EYA3: variants seen among roughly 807,000 people sequenced by gnomAD.
The protein encoded by EYA3 is EYA transcriptional coactivator and phosphatase 3.
In EYA3, 39 loss-of-function variants were observed where a neutral mutation model predicts 80.0. The observed-to-expected ratio is 0.49, with a 90% CI of 0.38 to 0.64. EYA3 has a LOEUF of 0.64. Ranked by LOEUF, EYA3 falls within the 30% of genes least tolerant of loss-of-function variation. The pLI is 0.00. For synonymous variants in EYA3, 206 were observed against 232.8 expected (o/e 0.88, Z 1.05); for missense variants, 523 against 676.1 (o/e 0.77, Z 2.51).
intron 1 of EYA3, among the ~76,000 whole-genome samples, chr1:28,073,423 G>A (rs769807802): frequency 2.7e-4 from 40 of 149,666 alleles, no homozygotes; most frequent in African/African-American, 3.9e-4. Flanking sequence ...TCAGCCTCCC[G>A]AGCAGCTGGG....
At chr1:28,051,880 G>A (rs1194501819) in intron 2 of EYA3, among the ~76,000 whole-genome samples, 1 of 150,924 alleles carries the variant, frequency 6.6e-6, no homozygotes, top group Non-Finnish European at 1.5e-5. Flanking sequence ...ATCCCAGCTG[G>A]CTGCATTAAA....
At chr1:28,082,371 T>A (rs1393479607) in intron 1 of EYA3, among the ~76,000 whole-genome samples, 4 of 152,178 alleles carry the variant, frequency 2.6e-5, no homozygotes, top group Non-Finnish European at 5.9e-5. Flanking sequence ...TAAATTTTTT[T>A]ATTTGGGCTT....
intron 1 of EYA3, among the ~76,000 whole-genome samples, chr1:28,074,274 A>C (rs995274751): frequency 6.6e-5 from 10 of 152,192 alleles, no homozygotes; most frequent in African/African-American, 2.4e-4. Context: ...CTTAAACACT[A>C]GAGGTAGAAC....
chr1:27,998,596 T>G (rs1330587752), intron 12 of EYA3, among the ~76,000 whole-genome samples: 1 of 151,914 alleles, frequency 6.6e-6, no homozygotes, highest in Non-Finnish European at 1.5e-5. Context: ...TTGTGTTGGC[T>G]GGGTGCAGTG....
rs563490113 is a variant in EYA3 at position 27,988,186 on chromosome 1, T to A, written c.1540+349A>T. Among the ~76,000 whole-genome samples the A allele has an allele frequency of 6.6e-5, 10 of 152,322 alleles. No homozygotes were observed. The East Asian group carries it at 1.9e-3, about 29-fold the overall frequency. ...TGTCTGGCCACCATTTTTAGGTATATAGTTTAGAAGCTTGATTTTTAACCT... is the reference window on the plus strand; with the variant it reads ...TGTCTGGCCACCATTTTTAGGTATAAAGTTTAGAAGCTTGATTTTTAACCT... On this transcript the variant is annotated intron_variant, in intron 16 of 17. Transcript: ENST00000373871.
Position 28,013,358 on chromosome 1 carries a change from G to A in EYA3, c.586-64C>T. On this transcript the variant is annotated intron_variant, in intron 8 of 17. Coordinates refer to ENST00000373871, the MANE Select transcript of EYA3 (RefSeq NM_001990.4). This position sits in a 1 kb window ranked among gnomAD's most constrained non-coding sequence, Gnocchi z 4.0. Reference sequence around the variant, plus strand: ...GCATACATTAATCTCAACACAAGAGGCTTTCTTCTCCCTCTTTCTTATTCA... The same window carrying A: ...GCATACATTAATCTCAACACAAGAGACTTTCTTCTCCCTCTTTCTTATTCA... 2 of 1,271,904 alleles carry A rather than the reference G, an allele frequency of 1.6e-6. No individual in the cohort carries two copies. The highest frequency in any genetic ancestry group is 2.1e-6 in the Non-Finnish European group (2 of 949,094). The allele number at this position is 1,271,904 out of a possible 1,614,324, so 78.8% of individuals were successfully genotyped here.
At position 28,018,926 on chromosome 1, in the gene EYA3, G is replaced by A. The variant is rs144643308; in HGVS notation, c.500-1687C>T. Among the ~76,000 whole-genome samples the A allele has an allele frequency of 2.8e-3, 425 of 152,284 alleles. 3 individuals carry two copies. Among genetic ancestry groups the A allele is most frequent in the Non-Finnish European group, 4.8e-3 (328 of 68,024 alleles). On this transcript the variant is annotated intron_variant, in intron 7 of 17. Transcript: ENST00000373871. ...CACGCCTGTAACCCCAGCACTTTGG[G>A]AGCCTGAAGTGGGTGGATCACCTGA...
rs192494196 is a variant in EYA3, at chr1:27,975,190, A to G, written c.1642-644T>C. ...TTCTGGAGGCCATATTTTACTTTTT[A>G]TTTTATTTTGAGACAGGCTCTCATT... is the stretch of plus-strand genomic sequence containing the variant. On this transcript the variant is annotated intron_variant, in intron 17 of 17. Transcript: ENST00000373871. 4.2e-4 allele frequency among the ~76,000 whole-genome samples: 62 copies of G among 149,016 alleles called. No homozygotes were observed. In the East Asian group the frequency reaches 0.011, roughly 27 times the overall value.
At position 28,003,496 on chromosome 1, in the gene EYA3, C is replaced by A. The variant is rs551533158; in HGVS notation, c.993+840G>T. Among the ~76,000 whole-genome samples the A allele has an allele frequency of 3.0e-3, 455 of 152,038 alleles. 1 individual carries two copies. The highest frequency in any genetic ancestry group is 0.01 in the African/African-American group (432 of 41,492). On this transcript the variant is annotated intron_variant, in intron 11 of 17. Coordinates refer to ENST00000373871, the MANE Select transcript of EYA3 (RefSeq NM_001990.4). ...AAAAACAAACAAACAAACAAACAAA[C>A]AAAAAAACCCACACCTACTAACAAA...
At chr1:28,051,749 G>A (rs889407606) in intron 2 of EYA3, among the ~76,000 whole-genome samples, 1 of 151,894 alleles carries the variant, frequency 6.6e-6, no homozygotes, top group Non-Finnish European at 1.5e-5. Flanking sequence ...TACAATACAC[G>A]TTAAAAGAAA....
chr1:27,976,361 G>C (rs531943472), intron 17 of EYA3, among the ~76,000 whole-genome samples: 1 of 152,246 alleles, frequency 6.6e-6, no homozygotes, highest in East Asian at 1.9e-4. Context: ...TTGGGAGGCT[G>C]AGGTACGAGA....
At chr1:28,016,336 C>A (rs1205971618) in intron 8 of EYA3, among the ~76,000 whole-genome samples, 1 of 151,950 alleles carries the variant, frequency 6.6e-6, no homozygotes, top group Non-Finnish European at 1.5e-5. Context: ...TTGAGACCAG[C>A]CTGGCCAACA....
intron 7 of EYA3, among the ~76,000 whole-genome samples, chr1:28,022,430 G>A (rs753747608): frequency 6.6e-6 from 1 of 152,142 alleles, no homozygotes; most frequent in African/African-American, 2.4e-5. Context: ...TTACAGGTAT[G>A]AGCCACCGCG....
chr1:28,013,155 G>A lies in EYA3; in HGVS notation c.725C>T (p.Pro242Leu). 6.2e-7 allele frequency: 1 copy of A among 1,613,982 alleles called. No individual in the cohort carries two copies. Among genetic ancestry groups the A allele is most frequent in the Non-Finnish European group, 8.5e-7 (1 of 1,179,972 alleles). ...TGCAGGTGCAGGCGCCATGACACTA[G>A]GCTTCTCCGACTGGTATGTGGTTGC... ...LAATTYQSEK[P>L]SVMAPAPAAQ... Residue 242 changes from proline to leucine, a missense_variant, in exon 9 of 18, where the codon CCT (proline) becomes CTT (leucine). Transcript: ENST00000373871. The surrounding 1 kb of genome is among the most constrained non-coding windows in gnomAD (Gnocchi z 4.0).
intron 17 of EYA3, 86 bp downstream of exon 17, chr1:27,978,288 T>C (rs1047771318): frequency 3.1e-6 from 3 of 953,108 alleles, no homozygotes; most frequent in African/African-American, 1.6e-5. Flanking sequence ...AAATGCATAA[T>C]AGATTGCTAA....
chr1:28,075,796 T>C (rs1645179581), intron 1 of EYA3, among the ~76,000 whole-genome samples: 1 of 152,236 alleles, frequency 6.6e-6, no homozygotes, highest in African/African-American at 2.4e-5. Flanking sequence ...TACTTTTCGC[T>C]GTGATTTCTT....
chr1:27,991,040 AAGCTCCTTCTTTCATCACCAACCAAT>A (rs1216926016), intron 14 of EYA3, among the ~76,000 whole-genome samples: 9 of 152,134 alleles, frequency 5.9e-5, no homozygotes, highest in African/African-American at 1.9e-4. Flanking sequence ...ATTCTGGTGC[AAGCTCCTTCTTTCATCACCAACCAAT>A]AGCATATCTT....
chr1:28,063,352 CTTTTTT>C (rs371840536), intron 1 of EYA3, among the ~76,000 whole-genome samples: 1 of 93,550 alleles, frequency 1.1e-5, no homozygotes, highest in Non-Finnish European at 2.0e-5. Flanking sequence ...TAACTAAAAC[CTTTTTT>C]TTTTTTTTTT....
chr1:28,038,055 C>G (rs892906659), intron 5 of EYA3, among the ~76,000 whole-genome samples: 1 of 149,226 alleles, frequency 6.7e-6, no homozygotes, highest in Non-Finnish European at 1.5e-5. Flanking sequence ...GATCTTACCC[C>G]ATGAAGGCCC....
Sources: allele counts gnomAD v4.1 joint callset (sites outside exome capture counted in the v4.1 genomes callset), GRCh38; gene constraint gnomAD v4.1.1; non-coding constraint Gnocchi (gnomAD v3.1); transcripts MANE v1.5; gene names NCBI Gene and HGNC (gene_info 2026-07-23, HGNC 2026-07-21).